The following RBFOX1 variants were observed in gnomAD, a reference collection of about 807,000 sequenced individuals.
The protein encoded by RBFOX1 is RNA binding fox-1 homolog 1, also known as RNA binding protein fox-1 homolog 1.
In RBFOX1, 8 loss-of-function variants were observed where a neutral mutation model predicts 57.7. That is an observed-to-expected ratio of 0.14 (90% CI 0.08 to 0.25). The LOEUF is 0.25. RBFOX1 is among the 10% of genes least tolerant of loss of function. The pLI, the probability that RBFOX1 is intolerant of heterozygous loss-of-function variation, is 1.00. For synonymous variants in RBFOX1, 326 were observed against 222.4 expected (o/e 1.47, Z -4.15); for missense variants, 611 against 548.5 (o/e 1.11, Z -1.14).
chr16:5,376,928 A>G (rs2066000185), intron 1 of RBFOX1, among the ~76,000 whole-genome samples: 1 of 95,788 alleles, frequency 1.0e-5, no homozygotes, highest in South Asian at 2.8e-4. Flanking sequence ...CAGTCTCTTC[A>G]TAGCACACCC....
intron 4 of RBFOX1, among the ~76,000 whole-genome samples, chr16:7,256,438 C>G (rs2094687063): frequency 6.6e-6 from 1 of 152,194 alleles, no homozygotes; most frequent in Admixed American, 6.5e-5. Context: ...TAGTTTGTCT[C>G]AATCTTTTAT....
chr16:5,570,668 C>T lies in RBFOX1; in HGVS notation c.259-28234C>T, dbSNP rs143953170. On this transcript the variant is annotated intron_variant, in intron 2 of 2. Transcript: ENST00000585867. ...CAGCCTTGCCAACATGATGAAACCTCGTCTCTACTAAAAGTACAAAAATTA... is the reference window on the plus strand; with the variant it reads ...CAGCCTTGCCAACATGATGAAACCTTGTCTCTACTAAAAGTACAAAAATTA... 9.1e-3 allele frequency among the ~76,000 whole-genome samples: 1,380 copies of T among 152,088 alleles called. 22 individuals are homozygous for T. Among genetic ancestry groups the T allele is most frequent in the African/African-American group, 0.031 (1,287 of 41,470 alleles).
chr16:7,384,395 T>G (rs1648914787), intron 4 of RBFOX1, among the ~76,000 whole-genome samples: 1 of 152,186 alleles, frequency 6.6e-6, no homozygotes, highest in African/African-American at 2.4e-5. Context: ...TTTATACCAT[T>G]ACAAAAACAT....
At chr16:6,962,045 C>T (rs2083134056) in intron 3 of RBFOX1, among the ~76,000 whole-genome samples, 1 of 152,146 alleles carries the variant, frequency 6.6e-6, no homozygotes, top group Non-Finnish European at 1.5e-5. Context: ...GATGGAGTTG[C>T]TGTGGTTAGA....
chr16:6,856,190 A>G (rs1423251482), intron 3 of RBFOX1, among the ~76,000 whole-genome samples: 3 of 150,152 alleles, frequency 2.0e-5, no homozygotes, highest in Non-Finnish European at 4.4e-5. Flanking sequence ...TCAAATGTGT[A>G]TTGAGAACCA....
At chr16:6,645,370 G>C (rs1300598296) in intron 2 of RBFOX1, among the ~76,000 whole-genome samples, 7 of 152,126 alleles carry the variant, frequency 4.6e-5, no homozygotes, top group Non-Finnish European at 1.0e-4. Context: ...TAAATCCTCT[G>C]AGGTCTCGGG....
At chr16:5,460,877 G>A (rs2068766797) in intron 1 of RBFOX1, among the ~76,000 whole-genome samples, 1 of 152,206 alleles carries the variant, frequency 6.6e-6, no homozygotes, top group African/African-American at 2.4e-5. Flanking sequence ...GGCTGGCACT[G>A]TTTTGGCATC....
chr16:6,452,396 C>T (rs1199322194), intron 2 of RBFOX1, among the ~76,000 whole-genome samples: 3 of 151,012 alleles, frequency 2.0e-5, no homozygotes, highest in African/African-American at 7.3e-5. Context: ...TCTTTTCCTT[C>T]CATAACTCTC....
intron 3 of RBFOX1, among the ~76,000 whole-genome samples, chr16:6,683,037 C>G (rs998685212): frequency 6.6e-6 from 1 of 151,942 alleles, no homozygotes; most frequent in East Asian, 1.9e-4. Flanking sequence ...TCCATATGAC[C>G]CTGCTTTTAG....
At chr16:5,543,729 C>G (rs1406987097) in intron 2 of RBFOX1, among the ~76,000 whole-genome samples, 1 of 152,034 alleles carries the variant, frequency 6.6e-6, no homozygotes, top group Admixed American at 6.6e-5. Context: ...CTACTCTAGG[C>G]ACATCATAAT....
intron 3 of RBFOX1, among the ~76,000 whole-genome samples, chr16:5,777,089 T>C (rs1450060788): frequency 6.6e-6 from 1 of 152,210 alleles, no homozygotes; most frequent in Non-Finnish European, 1.5e-5. Context: ...TGGAGCAAAT[T>C]ACTCACACTT....
chr16:7,610,351 C>G (rs1156943609), intron 10 of RBFOX1, among the ~76,000 whole-genome samples: 3 of 151,186 alleles, frequency 2.0e-5, no homozygotes, highest in Non-Finnish European at 4.4e-5. Context: ...GAACTTCTGA[C>G]CTCAAGTGAT....
intron 1 of RBFOX1, among the ~76,000 whole-genome samples, chr16:6,075,998 C>G (rs763395321): frequency 2.6e-5 from 4 of 152,098 alleles, no homozygotes; most frequent in Non-Finnish European, 5.9e-5. Context: ...AAGAAAATTG[C>G]TCTTAAAACA....
chr16:5,945,771 G>A lies in RBFOX1; in HGVS notation c.351+78436G>A, dbSNP rs747822712. On this transcript the variant is annotated intron_variant, in intron 4 of 19. Coordinates refer to the RBFOX1 transcript ENST00000641259. ...CTTTGCCAGATATTGCTGGATGTAG[G>A]TGGCTACCCAGTGAGGCTCTAGAAT... Among the ~76,000 whole-genome samples, 6 of 152,250 alleles carry A rather than the reference G, an allele frequency of 3.9e-5. No homozygotes were observed. In the South Asian group the frequency reaches 1.0e-3, roughly 26 times the overall value.
chr16:7,250,983 C>T (rs187093522), intron 4 of RBFOX1, among the ~76,000 whole-genome samples: 6 of 150,198 alleles, frequency 4.0e-5, no homozygotes, highest in East Asian at 3.9e-4. Flanking sequence ...CTAATTAATA[C>T]GTGTATTATC....
intron 4 of RBFOX1, among the ~76,000 whole-genome samples, chr16:7,297,182 T>C (rs972057209): frequency 6.6e-6 from 1 of 152,166 alleles, no homozygotes; most frequent in South Asian, 2.1e-4. Flanking sequence ...GTTTGGGCCA[T>C]GGCTTGTAGG....
intron 2 of RBFOX1, among the ~76,000 whole-genome samples, chr16:5,564,344 T>A (rs1027571865): frequency 1.3e-5 from 2 of 152,188 alleles, no homozygotes; most frequent in African/African-American, 4.8e-5. Flanking sequence ...TACTCTTCTG[T>A]CATTTTCTTT....
intron 12 of RBFOX1, among the ~76,000 whole-genome samples, chr16:7,660,664 A>G (rs2067493437): frequency 6.6e-6 from 1 of 152,220 alleles, no homozygotes; most frequent in South Asian, 2.1e-4. Flanking sequence ...GCATAGAGCT[A>G]TGATTCTCAT....
chr16:5,625,321 C>G (rs6500708), intron 3 of RBFOX1, among the ~76,000 whole-genome samples: 23,688 of 151,850 alleles, frequency 0.16, 2,174 homozygotes, highest in East Asian at 0.27. Context: ...AGGGTGGTCC[C>G]CAGCTGTCAG....
Sources: gnomAD v4.1 joint callset for allele counts (sites outside exome capture counted in the v4.1 genomes callset) on GRCh38, gnomAD v4.1.1 for gene constraint, MANE v1.5 for transcripts, NCBI Gene and HGNC (gene_info 2026-07-23, HGNC 2026-07-21) for gene names.